Variants in HIVEP3 observed in about 807,000 individuals in gnomAD.
The protein encoded by HIVEP3 is transcription factor HIVEP3.
In HIVEP3, 49 loss-of-function variants were observed where a neutral mutation model predicts 152.8. The observed-to-expected ratio is 0.32, with a 90% CI of 0.26 to 0.41. The LOEUF (loss-of-function observed/expected upper bound fraction) is 0.41. Ranked by LOEUF, HIVEP3 falls within the 10% of genes least tolerant of loss-of-function variation. The probability of loss-of-function intolerance (pLI) is 1.00; values close to 1 mark genes in which losing one functional copy is unlikely to be tolerated. For synonymous variants in HIVEP3, 1,269 were observed against 1,289.0 expected (o/e 0.98, Z 0.33); for missense variants, 2,790 against 3,103.3 (o/e 0.90, Z 2.40).
chr1:41,873,251 C>T lies in HIVEP3; in HGVS notation c.-801+45162G>A, dbSNP rs548788017. Reference sequence around the variant, plus strand: ...GCCCCTTCGGTGCTCCTCTCTTCATCTGCCTTCAGAGGTAGTCCTGATTAA... The same window carrying T: ...GCCCCTTCGGTGCTCCTCTCTTCATTTGCCTTCAGAGGTAGTCCTGATTAA... On this transcript the variant is annotated intron_variant, in intron 1 of 8. Coordinates refer to ENST00000372583, the MANE Select transcript of HIVEP3 (RefSeq NM_024503.5). The surrounding 1 kb of genome is among the most constrained non-coding windows in gnomAD (Gnocchi z 4.2). 1.3e-5 allele frequency among the ~76,000 whole-genome samples: 2 copies of T among 152,348 alleles called. No individual in the cohort carries two copies. The highest frequency in any genetic ancestry group is 4.8e-5 in the African/African-American group (2 of 41,576).
At chr1:41,608,248 G>A (rs1570092734) in intron 3 of HIVEP3, among the ~76,000 whole-genome samples, 1 of 152,272 alleles carries the variant, frequency 6.6e-6, no homozygotes, top group African/African-American at 2.4e-5. Flanking sequence ...AATAACCGTG[G>A]ACAGGAAGTG....
chr1:41,810,379 G>T (rs1038120181), intron 1 of HIVEP3, among the ~76,000 whole-genome samples: 4 of 152,222 alleles, frequency 2.6e-5, no homozygotes, highest in African/African-American at 9.6e-5. Context: ...CCCACTAGTT[G>T]ACTCCAGGAT....
At chr1:41,823,299 G>A (rs1642662237) in intron 1 of HIVEP3, among the ~76,000 whole-genome samples, 1 of 152,192 alleles carries the variant, frequency 6.6e-6, no homozygotes, top group Admixed American at 6.5e-5. Flanking sequence ...GACAGCCTGA[G>A]CAGACTAATA....
chr1:41,895,379 C>T (rs900662432), intron 1 of HIVEP3, among the ~76,000 whole-genome samples: 1 of 152,200 alleles, frequency 6.6e-6, no homozygotes, highest in Admixed American at 6.5e-5. Flanking sequence ...TTTTAGTAGA[C>T]TGCTTCCACA....
At chr1:41,940,892 G>A (rs545341207) in intron 1 of HIVEP3, among the ~76,000 whole-genome samples, 7 of 151,748 alleles carry the variant, frequency 4.6e-5, no homozygotes, top group South Asian at 2.1e-4. Flanking sequence ...GGGAGGGAGC[G>A]GGGGAGAGAG....
At chr1:41,855,083 C>G (rs1643720925) in intron 1 of HIVEP3, among the ~76,000 whole-genome samples, 2 of 133,756 alleles carry the variant, frequency 1.5e-5, no homozygotes, top group African/African-American at 3.0e-5. Context: ...AGTTCTAGAT[C>G]CCTGAGGAAT....
chr1:41,712,414 G>T (rs1646527195), intron 1 of HIVEP3, among the ~76,000 whole-genome samples: 1 of 152,216 alleles, frequency 6.6e-6, no homozygotes, highest in Admixed American at 6.5e-5. Flanking sequence ...CAGTCTCCTG[G>T]CAGAGAAAGG....
chr1:41,589,007 T>G (rs1034571819), intron 3 of HIVEP3, among the ~76,000 whole-genome samples: 2 of 152,202 alleles, frequency 1.3e-5, no homozygotes, highest in Non-Finnish European at 2.9e-5. Context: ...TGGTGCGGCA[T>G]AAACCGAAGG....
chr1:42,023,777 A>G (rs1026974761), intron 1 of HIVEP3, among the ~76,000 whole-genome samples: 3 of 152,194 alleles, frequency 2.0e-5, no homozygotes, highest in African/African-American at 7.2e-5. Flanking sequence ...ATGTTTCCAG[A>G]ACCATGAACC....
chr1:41,804,465 G>A (rs1003938504), intron 1 of HIVEP3, among the ~76,000 whole-genome samples: 6 of 152,206 alleles, frequency 3.9e-5, no homozygotes, highest in Non-Finnish European at 8.8e-5. Flanking sequence ...GAAGCAACTG[G>A]AGCTAGCCAC....
At chr1:41,833,886 G>A (rs1278586777) in intron 1 of HIVEP3, among the ~76,000 whole-genome samples, 1 of 152,146 alleles carries the variant, frequency 6.6e-6, no homozygotes, top group African/African-American at 2.4e-5. Flanking sequence ...AGAAGCTACC[G>A]AGCCTGCTCA....
intron 1 of HIVEP3, among the ~76,000 whole-genome samples, chr1:41,755,870 C>T (rs79900319): frequency 0.012 from 1,900 of 152,130 alleles, 33 homozygotes; most frequent in African/African-American, 0.043. Context: ...TGTCCATTGC[C>T]GGTGGGAATA....
chr1:42,002,442 G>A (rs1013067797), intron 1 of HIVEP3, among the ~76,000 whole-genome samples: 4 of 152,142 alleles, frequency 2.6e-5, no homozygotes, highest in South Asian at 2.1e-4. Context: ...ATGACACCTC[G>A]GTTGCTGGGA....
intron 5 of HIVEP3, among the ~76,000 whole-genome samples, chr1:41,545,603 CACCATCACCACCACT>C (rs1476080252): frequency 1.4e-5 from 2 of 144,496 alleles, no homozygotes; most frequent in South Asian, 2.3e-4. Flanking sequence ...CCACCACCAC[CACCATCACCACCACT>C]ACCATCACCA....
At chr1:41,722,473 C>T (rs1385495228) in intron 1 of HIVEP3, among the ~76,000 whole-genome samples, 5 of 144,572 alleles carry the variant, frequency 3.5e-5, no homozygotes, top group African/African-American at 1.0e-4. Flanking sequence ...TCCTCCCCTT[C>T]CCTCTCCCCT....
chr1:41,962,079 G>T (rs1310694674), intron 1 of HIVEP3, among the ~76,000 whole-genome samples: 1 of 152,184 alleles, frequency 6.6e-6, no homozygotes, highest in South Asian at 2.1e-4. Context: ...AAAATTGGAG[G>T]GGTACTGATG....
chr1:41,830,792 T>C (rs1488786315), intron 1 of HIVEP3, among the ~76,000 whole-genome samples: 1 of 152,070 alleles, frequency 6.6e-6, no homozygotes, highest in Non-Finnish European at 1.5e-5. Flanking sequence ...AGATCCATCA[T>C]CTCTGAGTCT....
At chr1:41,627,517 G>A (rs1645134465) in intron 3 of HIVEP3, among the ~76,000 whole-genome samples, 1 of 152,172 alleles carries the variant, frequency 6.6e-6, no homozygotes, top group South Asian at 2.1e-4. Context: ...TAGGCCTAGG[G>A]CTGGTAGGCC....
At chr1:41,629,048 A>G (rs2038978) in intron 2 of HIVEP3, 101 bp from the exon 3 acceptor site, 432,514 of 844,954 alleles carry the variant, frequency 0.51, 112,683 homozygotes, top group Non-Finnish European at 0.54. Flanking sequence ...ACACCCCCCA[A>G]CTACTCCCAA....
Sources: gnomAD v4.1 joint callset for allele counts (sites outside exome capture counted in the v4.1 genomes callset) on GRCh38, gnomAD v4.1.1 for gene constraint, Gnocchi (gnomAD v3.1) non-coding constraint, MANE v1.5 for transcripts, NCBI Gene and HGNC (gene_info 2026-07-23, HGNC 2026-07-21) for gene names.